YWHAE: variants seen among roughly 807,000 people sequenced by gnomAD.
The protein encoded by YWHAE is tyrosine 3-monooxygenase/tryptophan 5-monooxygenase activation protein epsilon, also known as 14-3-3 protein epsilon.
A neutral mutation model predicts 30.1 loss-of-function variants in YWHAE; 4 were observed. The observed-to-expected ratio is 0.13, with a 90% CI of 0.07 to 0.30. The LOEUF is 0.30. Among genes scored for constraint, YWHAE ranks in the 10% least tolerant of loss-of-function variants. The pLI is 1.00. For missense variants in YWHAE, 121 were observed against 315.9 expected, an observed-to-expected ratio of 0.38 and a Z score of 4.68; for synonymous variants, 118 against 111.8, an observed-to-expected ratio of 1.06 and a Z score of -0.35.
At chr17:1,347,551 A>T (rs1383906758) in intron 5 of YWHAE, among the ~76,000 whole-genome samples, 1 of 152,194 alleles carries the variant, frequency 6.6e-6, no homozygotes, top group Non-Finnish European at 1.5e-5. Flanking sequence ...GACAGAAAAA[A>T]AATATGCAAA....
intron 1 of YWHAE, among the ~76,000 whole-genome samples, chr17:1,388,072 C>G (rs150001526): frequency 7.0e-6 from 1 of 142,468 alleles, no homozygotes; most frequent in East Asian, 2.1e-4. Context: ...ATTACAGGCA[C>G]GTGCCACCAC....
intron 1 of YWHAE, among the ~76,000 whole-genome samples, chr17:1,384,342 C>A (rs554337091): frequency 6.6e-6 from 1 of 151,690 alleles, no homozygotes; most frequent in South Asian, 2.1e-4. Context: ...CTACTGCACA[C>A]CAGCTTGGGC....
intron 1 of YWHAE, among the ~76,000 whole-genome samples, chr17:1,398,673 C>A (rs1036648504): frequency 6.6e-6 from 1 of 152,174 alleles, no homozygotes; most frequent in African/African-American, 2.4e-5. Context: ...CATGACCTTT[C>A]GTTTAATACT....
At chr17:1,361,070 G>T (rs1192156919) in intron 4 of YWHAE, 22 bp downstream of exon 4, 1 of 1,608,682 alleles carries the variant, frequency 6.2e-7, no homozygotes, top group Non-Finnish European at 8.5e-7. Flanking sequence ...GCTGAGCGCT[G>T]CTGTTCTTCC....
intron 5 of YWHAE, among the ~76,000 whole-genome samples, chr17:1,347,241 G>A (rs2072538395): frequency 6.6e-6 from 1 of 151,522 alleles, no homozygotes; most frequent in African/African-American, 2.4e-5. Flanking sequence ...CGGGAGGCAG[G>A]AGAATGGCGT....
chr17:1,353,177 G>A (rs1298577348), intron 5 of YWHAE, among the ~76,000 whole-genome samples: 2 of 152,134 alleles, frequency 1.3e-5, no homozygotes, highest in African/African-American at 4.8e-5. Context: ...GGTGGCTTGC[G>A]CCTGTAATCC....
chr17:1,358,481 T>C (rs940950083), intron 4 of YWHAE, among the ~76,000 whole-genome samples: 4 of 151,064 alleles, frequency 2.6e-5, no homozygotes, highest in Middle Eastern at 3.4e-3. Context: ...CCTCGTGATC[T>C]GCCCTCCTCG....
At chr17:1,386,725 G>A (rs1051989062) in intron 1 of YWHAE, among the ~76,000 whole-genome samples, 3 of 152,156 alleles carry the variant, frequency 2.0e-5, no homozygotes, top group Non-Finnish European at 4.4e-5. Flanking sequence ...CAAGGCAGGC[G>A]GATCACCTGA....
chr17:1,392,745 G>A (rs1002952683), intron 1 of YWHAE, among the ~76,000 whole-genome samples: 1 of 151,986 alleles, frequency 6.6e-6, no homozygotes, highest in Non-Finnish European at 1.5e-5. Flanking sequence ...AGCTACTCGG[G>A]AGGCTGAGGC....
intron 1 of YWHAE, among the ~76,000 whole-genome samples, chr17:1,388,132 T>C (rs1229345314): frequency 7.3e-5 from 8 of 109,890 alleles, no homozygotes; most frequent in African/African-American, 2.6e-4. Flanking sequence ...TTTTTTTTTT[T>C]TTTTTTTTTT....
chr17:1,371,925 G>A (rs1473510253), intron 1 of YWHAE, among the ~76,000 whole-genome samples: 4 of 149,028 alleles, frequency 2.7e-5, no homozygotes, highest in African/African-American at 7.5e-5. Flanking sequence ...TGCAACCTCC[G>A]TCTCCTGGGC....
At position 1,361,271 on chromosome 17, in the gene YWHAE, T is replaced by C. The variant is rs1412414548; in HGVS notation, c.399A>G (p.Ala133=). Residue 133 remains alanine (A), a synonymous_variant, in exon 4 of 6, where the codon GCA becomes GCG. Transcript: ENST00000264335. The stretch of plus-strand genomic sequence containing the variant: ...TCCTGTCGTTTCCTGTGGCAAATTC[T>C]GCCAGATACCTGTGGTAGTCCCCTT... The part of the protein sequence containing the change: ...KMKGDYHRYL[A]EFATGNDRKE... The C allele has an allele frequency of 4.3e-6, 7 of 1,612,836 alleles. No individual in the cohort carries two copies. The highest frequency in any genetic ancestry group is 5.9e-6 in the Non-Finnish European group (7 of 1,179,552).
chr17:1,392,487 C>CT (rs1410536762), intron 1 of YWHAE, among the ~76,000 whole-genome samples: 1 of 152,134 alleles, frequency 6.6e-6, no homozygotes, highest in Non-Finnish European at 1.5e-5. Flanking sequence ...CATTAGACAG[C>CT]TATCTAGCCA....
intron 5 of YWHAE, among the ~76,000 whole-genome samples, chr17:1,346,968 G>A (rs1206347233): frequency 6.9e-6 from 1 of 144,808 alleles, no homozygotes; most frequent in Admixed American, 7.0e-5. Flanking sequence ...TCCAGCCTGG[G>A]TAACAGAGTG....
At chr17:1,353,074 A>G (rs2072662612) in intron 5 of YWHAE, among the ~76,000 whole-genome samples, 1 of 152,242 alleles carries the variant, frequency 6.6e-6, no homozygotes, top group Admixed American at 6.5e-5. Flanking sequence ...TAAAGTAAAC[A>G]TTAACACACA....
At chr17:1,350,326 C>A (rs989657765) in intron 5 of YWHAE, among the ~76,000 whole-genome samples, 1 of 152,140 alleles carries the variant, frequency 6.6e-6, no homozygotes, top group Admixed American at 6.6e-5. Flanking sequence ...ATCTTTAGTT[C>A]TGTACATAGA....
intron 4 of YWHAE, among the ~76,000 whole-genome samples, chr17:1,357,407 A>AC (rs2072768428): frequency 7.0e-6 from 1 of 142,802 alleles, no homozygotes; most frequent in South Asian, 2.3e-4. Context: ...CGTCTCAAAA[A>AC]AAAAAAAAAA....
intron 1 of YWHAE, 99 bp downstream of exon 1, chr17:1,399,948 C>G: frequency 1.4e-6 from 2 of 1,475,628 alleles, no homozygotes; most frequent in Non-Finnish European, 1.9e-6. Flanking sequence ...CCGGGCCAGG[C>G]TCGCAGACGA....
At chr17:1,353,209 C>A (rs1422953423) in intron 5 of YWHAE, among the ~76,000 whole-genome samples, 1 of 151,936 alleles carries the variant, frequency 6.6e-6, no homozygotes, top group East Asian at 1.9e-4. Flanking sequence ...GAGGCCGAGG[C>A]GGGTGGATCA....
Sources: gnomAD v4.1 joint callset for allele counts (sites outside exome capture counted in the v4.1 genomes callset) on GRCh38, gnomAD v4.1.1 for gene constraint, MANE v1.5 for transcripts, NCBI Gene and HGNC (gene_info 2026-07-23, HGNC 2026-07-21) for gene names.